CLVS1: variants seen among roughly 807,000 people sequenced by gnomAD.
CLVS1 encodes clavesin-1.
Under a neutral mutation model 33.1 loss-of-function variants are expected in CLVS1, and 10 were observed. That is an observed-to-expected ratio of 0.30 (90% CI 0.19 to 0.51). The LOEUF is 0.51. CLVS1 is among the 20% of genes least tolerant of loss of function. CLVS1 has a pLI of 0.97. For missense variants in CLVS1, 343 were observed against 433.4 expected, an observed-to-expected ratio of 0.79 and a Z score of 1.85; for synonymous variants, 163 against 166.1, an observed-to-expected ratio of 0.98 and a Z score of 0.14.
chr8:61,011,736 C>A, the CLVS1 span, among the ~76,000 whole-genome samples: 1 of 152,290 alleles, frequency 6.6e-6, no homozygotes. Flanking sequence ...CGTGAACCAC[C>A]TTGCCCAGCC....
At position 61,345,614 on chromosome 8, in the gene CLVS1, C is replaced by T. The variant is rs539149191; in HGVS notation, c.456-30991C>T. On this transcript the variant is annotated intron_variant, in intron 2 of 5. Coordinates refer to ENST00000325897, the MANE Select transcript of CLVS1 (RefSeq NM_173519.3). ...CTTTTCTTTCTTCCTTGATTGGAGC[C>T]TCTAGGGGTGTGTGTGTGTGTGTAT... 2.1e-5 allele frequency among the ~76,000 whole-genome samples: 3 copies of T among 145,994 alleles called. No homozygotes were observed. The East Asian group carries it at 6.2e-4, about 30-fold the overall frequency.
the CLVS1 span, among the ~76,000 whole-genome samples, chr8:61,010,880 G>T: frequency 6.6e-6 from 1 of 152,224 alleles, no homozygotes; most frequent in Non-Finnish European, 1.5e-5. Flanking sequence ...TGTAAACTAT[G>T]TGAGAAGCAG....
At chr8:61,271,950 G>T (rs1809449138) in intron 2 of CLVS1, among the ~76,000 whole-genome samples, 1 of 151,820 alleles carries the variant, frequency 6.6e-6, no homozygotes, top group Non-Finnish European at 1.5e-5. Flanking sequence ...GCACACTGAT[G>T]GGTCTGTCTG....
intron 5 of CLVS1, among the ~76,000 whole-genome samples, chr8:61,490,980 A>G (rs1281373493): frequency 1.3e-5 from 2 of 151,782 alleles, no homozygotes; most frequent in African/African-American, 4.8e-5. Context: ...AAAGAAAAAA[A>G]AAAGAAAGAA....
At chr8:61,410,224 G>T (rs1172402943) in intron 3 of CLVS1, among the ~76,000 whole-genome samples, 3 of 152,010 alleles carry the variant, frequency 2.0e-5, no homozygotes, top group Non-Finnish European at 4.4e-5. Context: ...ATACTGTACA[G>T]TGTGAGATGT....
At chr8:61,095,185 G>T (rs1164571212) in intron 1 of CLVS1, among the ~76,000 whole-genome samples, 2 of 152,134 alleles carry the variant, frequency 1.3e-5, no homozygotes, top group African/African-American at 4.8e-5. Flanking sequence ...TTATCTCTAG[G>T]TGAGCTGTGA....
intron 3 of CLVS1, among the ~76,000 whole-genome samples, chr8:61,400,994 T>C (rs933373999): frequency 2.6e-5 from 4 of 152,090 alleles, no homozygotes; most frequent in African/African-American, 9.7e-5. Context: ...TGAAGTTTTC[T>C]TTTTTGTTTT....
intron 2 of CLVS1, among the ~76,000 whole-genome samples, chr8:61,195,989 G>C (rs1807598918): frequency 6.6e-6 from 1 of 151,948 alleles, no homozygotes; most frequent in African/African-American, 2.4e-5. Flanking sequence ...ATGAGCTTTG[G>C]GTTTCAGCTT....
At chr8:61,257,306 C>T (rs1809103556) in intron 2 of CLVS1, among the ~76,000 whole-genome samples, 1 of 152,178 alleles carries the variant, frequency 6.6e-6, no homozygotes, top group Admixed American at 6.5e-5. Flanking sequence ...ACGTTCAGGC[C>T]TTGACTTCCT....
intron 2 of CLVS1, among the ~76,000 whole-genome samples, chr8:61,374,219 A>G (rs1813552081): frequency 6.6e-6 from 1 of 152,220 alleles, no homozygotes; most frequent in Non-Finnish European, 1.5e-5. Flanking sequence ...GCAATCTGTC[A>G]TACCCTTGCT....
intron 3 of CLVS1, among the ~76,000 whole-genome samples, chr8:61,416,313 C>G (rs1306070725): frequency 7.3e-6 from 1 of 136,140 alleles, no homozygotes; most frequent in South Asian, 2.1e-4. Context: ...TAGATACATA[C>G]ATACATACAT....
intron 5 of CLVS1, among the ~76,000 whole-genome samples, chr8:61,461,479 G>C (rs1817363524): frequency 6.6e-6 from 1 of 152,136 alleles, no homozygotes. Context: ...TAACAAGTTA[G>C]CACAAGTTTA....
chr8:61,255,773 C>T (rs2349938), intron 2 of CLVS1, among the ~76,000 whole-genome samples: 1 of 152,110 alleles, frequency 6.6e-6, no homozygotes, highest in Non-Finnish European at 1.5e-5. Context: ...TTTAAAAAAA[C>T]TCTGAAACTT....
At chr8:61,416,939 G>A (rs906590950) in intron 3 of CLVS1, among the ~76,000 whole-genome samples, 7 of 152,200 alleles carry the variant, frequency 4.6e-5, no homozygotes, top group Non-Finnish European at 8.8e-5. Context: ...TTTGGCCAAG[G>A]CAGCGTGAAG....
chr8:60,989,740 A>G, the CLVS1 span, among the ~76,000 whole-genome samples: 1 of 152,200 alleles, frequency 6.6e-6, no homozygotes, highest in African/African-American at 2.4e-5. Context: ...AACAAGTTAT[A>G]TGATACTGCA....
intron 2 of CLVS1, among the ~76,000 whole-genome samples, chr8:61,222,160 T>G (rs1434828213): frequency 6.6e-6 from 1 of 152,050 alleles, no homozygotes; most frequent in Non-Finnish European, 1.5e-5. Flanking sequence ...TTTTGGAGGG[T>G]TTTTTTCTGT....
chr8:61,096,810 A>G (rs907053248), intron 1 of CLVS1, among the ~76,000 whole-genome samples: 1 of 152,128 alleles, frequency 6.6e-6, no homozygotes, highest in Non-Finnish European at 1.5e-5. Flanking sequence ...GCCCTTTAGC[A>G]TGCTTCCTTT....
At chr8:61,103,478 G>A (rs1805485151) in intron 1 of CLVS1, among the ~76,000 whole-genome samples, 1 of 152,134 alleles carries the variant, frequency 6.6e-6, no homozygotes, top group South Asian at 2.1e-4. Flanking sequence ...GAGGTTTTGG[G>A]GTTATAAGTA....
the CLVS1 span, among the ~76,000 whole-genome samples, chr8:61,049,824 CT>C: frequency 1.3e-5 from 2 of 152,202 alleles, no homozygotes; most frequent in East Asian, 3.9e-4. Flanking sequence ...CATAATGAGT[CT>C]TTTTTTTAGG....
Sources: allele counts gnomAD v4.1 joint callset (sites outside exome capture counted in the v4.1 genomes callset), GRCh38; gene constraint gnomAD v4.1.1; transcripts MANE v1.5; gene names NCBI Gene and HGNC (gene_info 2026-07-23, HGNC 2026-07-21).